RASSF2: variants seen among roughly 807,000 people sequenced by gnomAD.
RASSF2 encodes ras association domain-containing protein 2.
A neutral mutation model predicts 46.3 loss-of-function variants in RASSF2; 34 were observed. That is an observed-to-expected ratio of 0.73 (90% CI 0.56 to 0.98). The LOEUF is 0.98. Ranked by LOEUF, RASSF2 falls within the 50% of genes least tolerant of loss-of-function variation. The pLI is 0.00. For missense variants in RASSF2, 364 were observed against 431.2 expected (o/e 0.84, Z 1.38); for synonymous variants, 158 against 162.5 (o/e 0.97, Z 0.21).
intron 2 of RASSF2, among the ~76,000 whole-genome samples, chr20:4,804,309 G>T (rs1327843587): frequency 6.8e-6 from 1 of 147,524 alleles, no homozygotes; most frequent in South Asian, 2.1e-4. Context: ...CACATGTAAC[G>T]CGCAAAAAGA....
chr20:4,820,116 C>T (rs934206032), intron 2 of RASSF2, among the ~76,000 whole-genome samples: 1 of 152,350 alleles, frequency 6.6e-6, no homozygotes, highest in East Asian at 1.9e-4. Context: ...CCCCGCCTCA[C>T]ACGGCCATGT....
chr20:4,814,625 G>A (rs1014032649), intron 2 of RASSF2, among the ~76,000 whole-genome samples: 1 of 152,274 alleles, frequency 6.6e-6, no homozygotes, highest in East Asian at 1.9e-4. Flanking sequence ...AGGAAGTGCC[G>A]GGTGTGTCCA....
At chr20:4,806,196 G>A (rs937200769) in intron 2 of RASSF2, among the ~76,000 whole-genome samples, 4 of 152,168 alleles carry the variant, frequency 2.6e-5, no homozygotes, top group Admixed American at 6.5e-5. Context: ...TGAGAAGGAG[G>A]CCAAGGCCAG....
rs764470838 is a variant in RASSF2 at position 4,784,376 on chromosome 20, G to C, written c.912-34C>G. On this transcript the variant is annotated intron_variant, in intron 11 of 11. Transcript: ENST00000379400. Reference sequence around the variant, plus strand: ...AAGAAACAGGCTCAGATGGAGAGCAGCCAGCAACACACCCCTGCCCAGGAC... The same window carrying C: ...AAGAAACAGGCTCAGATGGAGAGCACCCAGCAACACACCCCTGCCCAGGAC... The C allele has an allele frequency of 1.6e-5, 25 of 1,598,472 alleles. 1 individual carries two copies. The South Asian group carries it at 2.6e-4, about 17-fold the overall frequency.
Position 4,786,228 on chromosome 20 carries a change from T to A in RASSF2, c.911+3A>T, listed in dbSNP as rs1925323877. On this transcript the variant is annotated splice_donor_region_variant and intron_variant, in intron 11 of 11. Transcript: ENST00000379400. The stretch of plus-strand genomic sequence containing the variant: ...CACCCAGTGCCCCAGAAGCCACACT[T>A]ACTTGCGCATCAGCTTCTTTACTTC... The A allele has an allele frequency of 1.2e-6, 2 of 1,603,680 alleles. No homozygotes were observed. Among genetic ancestry groups the A allele is most frequent in the Non-Finnish European group, 1.7e-6 (2 of 1,170,478 alleles).
intron 2 of RASSF2, among the ~76,000 whole-genome samples, chr20:4,814,037 A>G (rs954366501): frequency 1.2e-4 from 19 of 152,336 alleles, no homozygotes; most frequent in African/African-American, 4.1e-4. Flanking sequence ...ACTGGCCCCA[A>G]TAAAGCAAAT....
Position 4,795,637 on chromosome 20 carries a change from C to A in RASSF2, c.287+178G>T. 1.5e-6 allele frequency: 1 copy of A among 675,038 alleles called. No homozygotes were observed. The highest frequency in any genetic ancestry group is 2.3e-6 in the Non-Finnish European group (1 of 425,890). The allele number at this position is 675,038 out of a possible 1,614,324, so 41.8% of individuals were successfully genotyped here. Reference sequence around the variant, plus strand: ...TGCAGTGACAGGAAGGGGGCTCAATCACAACCACATCTGCTGCTTGTTCCT... The same window carrying A: ...TGCAGTGACAGGAAGGGGGCTCAATAACAACCACATCTGCTGCTTGTTCCT... On this transcript the variant is annotated intron_variant, in intron 5 of 11. Coordinates refer to ENST00000379400, the MANE Select transcript of RASSF2 (RefSeq NM_014737.3). The surrounding 1 kb of genome is among the most constrained non-coding windows in gnomAD (Gnocchi z 4.0).
chr20:4,819,572 T>G (rs1170095407), intron 2 of RASSF2, among the ~76,000 whole-genome samples: 1 of 152,156 alleles, frequency 6.6e-6, no homozygotes, highest in African/African-American at 2.4e-5. Context: ...CAGTCATTGG[T>G]TGAGACCAGT....
At position 4,783,405 on chromosome 20, in the gene RASSF2, G is replaced by A. The variant is rs1211714203; in HGVS notation, c.*868C>T. 6.6e-6 allele frequency: 1 copy of A among 152,358 alleles called. No homozygotes were observed. The highest frequency in any genetic ancestry group is 1.9e-4 in the East Asian group (1 of 5,196). The allele number at this position is 152,358 out of a possible 1,614,324, so 9.4% of individuals were successfully genotyped here. A position where few individuals can be genotyped will look rare whatever the true frequency, so the allele number is the denominator to read the frequency against. ...CGCACCAGCGAGATCTTTGTTTCTTGAGACATTTCCTTCCACTCAAGGAAG... is the reference window on the plus strand; with the variant it reads ...CGCACCAGCGAGATCTTTGTTTCTTAAGACATTTCCTTCCACTCAAGGAAG... On this transcript the variant is annotated 3_prime_UTR_variant, in exon 12 of 12. Coordinates refer to ENST00000379400, the MANE Select transcript of RASSF2 (RefSeq NM_014737.3).
At chr20:4,792,493 TCA>T in intron 6 of RASSF2, 44 bp downstream of exon 6, 1 of 1,612,660 alleles carries the variant, frequency 6.2e-7, no homozygotes, top group Non-Finnish European at 8.5e-7. Flanking sequence ...ACAGCGGTCT[TCA>T]CACAGTTGGT....
At chr20:4,816,255 A>T (rs895115694) in intron 2 of RASSF2, among the ~76,000 whole-genome samples, 9 of 152,192 alleles carry the variant, frequency 5.9e-5, no homozygotes, top group Non-Finnish European at 1.2e-4. Context: ...GCAGTCAGCC[A>T]TGACCACACC....
rs943530743 is a variant in RASSF2 at position 4,812,818 on chromosome 20, G to A, written c.-33+9511C>T. Reference sequence around the variant, plus strand: ...TCCCAGGTGGCACAGCCGACATGCAGCCCAGTGCTCCTGTGGCTCTCTGGC... The same window carrying A: ...TCCCAGGTGGCACAGCCGACATGCAACCCAGTGCTCCTGTGGCTCTCTGGC... On this transcript the variant is annotated intron_variant, in intron 2 of 11. Coordinates refer to ENST00000379400, the MANE Select transcript of RASSF2 (RefSeq NM_014737.3). This position sits in a 1 kb window ranked among gnomAD's most constrained non-coding sequence, Gnocchi z 4.0. Among the ~76,000 whole-genome samples the A allele has an allele frequency of 1.3e-5, 2 of 152,206 alleles. No individual in the cohort carries two copies. The highest frequency in any genetic ancestry group is 2.9e-5 in the Non-Finnish European group (2 of 68,028).
intron 2 of RASSF2, among the ~76,000 whole-genome samples, chr20:4,805,699 A>G (rs1045484063): frequency 2.0e-5 from 3 of 152,038 alleles, no homozygotes; most frequent in Admixed American, 1.3e-4. Flanking sequence ...CATCCCGGGG[A>G]CCAGTTGAGA....
chr20:4,807,508 T>A (rs1927434493), intron 2 of RASSF2, among the ~76,000 whole-genome samples: 1 of 152,204 alleles, frequency 6.6e-6, no homozygotes, highest in Non-Finnish European at 1.5e-5. Flanking sequence ...CGCACAGTAG[T>A]TCATGGAAAA....
At chr20:4,802,227 G>A (rs1470657718) in intron 2 of RASSF2, among the ~76,000 whole-genome samples, 6 of 152,038 alleles carry the variant, frequency 3.9e-5, no homozygotes, top group Admixed American at 6.6e-5. Context: ...GTGCCCCACC[G>A]CCCCTGGCCT....
intron 2 of RASSF2, among the ~76,000 whole-genome samples, chr20:4,820,569 A>T (rs532226979): frequency 1.1e-4 from 16 of 152,248 alleles, no homozygotes; most frequent in African/African-American, 3.9e-4. Flanking sequence ...GGAGACAGGG[A>T]AGTGTTTAAA....
intron 3 of RASSF2, among the ~76,000 whole-genome samples, chr20:4,799,347 T>G (rs1926669657): frequency 6.6e-6 from 1 of 152,038 alleles, no homozygotes; most frequent in South Asian, 2.1e-4. Flanking sequence ...AATGCACAAG[T>G]CAAGTTTCAT....
At chr20:4,813,057 C>T (rs970111270) in intron 2 of RASSF2, among the ~76,000 whole-genome samples, 2 of 152,164 alleles carry the variant, frequency 1.3e-5, no homozygotes, top group East Asian at 1.9e-4. Context: ...CACAGAGCCA[C>T]TGACTCTCAG....
chr20:4,809,255 C>T (rs564532015), intron 2 of RASSF2, among the ~76,000 whole-genome samples: 34 of 152,244 alleles, frequency 2.2e-4, no homozygotes, highest in East Asian at 5.8e-4. Flanking sequence ...CCCAGGAGGA[C>T]GTCTTTTCAA....
Sources: allele counts gnomAD v4.1 joint callset (sites outside exome capture counted in the v4.1 genomes callset), GRCh38; gene constraint gnomAD v4.1.1; non-coding constraint Gnocchi (gnomAD v3.1); transcripts MANE v1.5; gene names NCBI Gene and HGNC (gene_info 2026-07-23, HGNC 2026-07-21).